BNC2: variants seen among roughly 807,000 people sequenced by gnomAD.
The protein encoded by BNC2 is basonuclin zinc finger protein 2, also known as zinc finger protein basonuclin-2.
Under a neutral mutation model 76.3 loss-of-function variants are expected in BNC2, and 20 were observed. The ratio of observed to expected loss-of-function variants is 0.26; its 90% CI spans 0.18 to 0.38. The LOEUF (loss-of-function observed/expected upper bound fraction) is 0.38, where lower values mean the gene tolerates loss of function less well. Among genes scored for constraint, BNC2 ranks in the 10% least tolerant of loss-of-function variants. BNC2 has a pLI of 1.00. For synonymous variants in BNC2, 582 were observed against 514.8 expected (o/e 1.13, Z -1.77); for missense variants, 1,382 against 1,399.8 (o/e 0.99, Z 0.20).
intron 5 of BNC2, among the ~76,000 whole-genome samples, chr9:16,538,136 G>A (rs1243885656): frequency 6.6e-6 from 1 of 152,194 alleles, no homozygotes; most frequent in Non-Finnish European, 1.5e-5. Context: ...AGGTAGAACA[G>A]AGGAAAGAGA....
At chr9:16,525,136 TAACATTGATAAC>T in intron 5 of BNC2, among the ~76,000 whole-genome samples, 1 of 116,424 alleles carries the variant, frequency 8.6e-6, no homozygotes, top group African/African-American at 4.3e-5. Flanking sequence ...TACTAGTAGA[TAACATTGATAAC>T]TAGATAACAT....
At chr9:16,506,513 C>CTTTTGTTTT (rs1822630083) in intron 5 of BNC2, among the ~76,000 whole-genome samples, 1 of 43,314 alleles carries the variant, frequency 2.3e-5, no homozygotes, top group Non-Finnish European at 4.4e-5. Flanking sequence ...TCTCTCTCCT[C>CTTTTGTTTT]TTTTTTTTTT....
At chr9:16,557,276 A>T (rs1188549835) in intron 4 of BNC2, among the ~76,000 whole-genome samples, 1 of 152,180 alleles carries the variant, frequency 6.6e-6, no homozygotes, top group African/African-American at 2.4e-5. Context: ...CAGTGGGCGA[A>T]TAACCCGAGG....
intron 3 of BNC2, among the ~76,000 whole-genome samples, chr9:16,689,932 C>G (rs144052151): frequency 2.4e-4 from 36 of 152,302 alleles, no homozygotes; most frequent in Non-Finnish European, 4.4e-4. Context: ...TTATCCAACA[C>G]TGTAAAGATG....
At chr9:16,589,220 C>T (rs1377036522) in intron 3 of BNC2, among the ~76,000 whole-genome samples, 1 of 152,132 alleles carries the variant, frequency 6.6e-6, no homozygotes, top group Non-Finnish European at 1.5e-5. Context: ...AGATCTCGCT[C>T]TGTTACCGAG....
At chr9:16,737,650 T>C (rs1824716294) in intron 2 of BNC2, among the ~76,000 whole-genome samples, 1 of 151,810 alleles carries the variant, frequency 6.6e-6, no homozygotes, top group Non-Finnish European at 1.5e-5. Context: ...ACTATTTATA[T>C]ACATACATAT....
At chr9:16,609,265 T>C (rs998868708) in intron 3 of BNC2, among the ~76,000 whole-genome samples, 2 of 152,076 alleles carry the variant, frequency 1.3e-5, no homozygotes, top group African/African-American at 2.4e-5. Flanking sequence ...ATTGTATACA[T>C]AGTATAAAAC....
chr9:16,725,225 AC>A (rs1824276910), intron 3 of BNC2, among the ~76,000 whole-genome samples: 2 of 150,640 alleles, frequency 1.3e-5, no homozygotes, highest in African/African-American at 4.9e-5. Context: ...TCTCACACAC[AC>A]ACACACACAC....
chr9:16,642,926 G>C (rs1344644827), intron 3 of BNC2, among the ~76,000 whole-genome samples: 1 of 152,134 alleles, frequency 6.6e-6, no homozygotes. Flanking sequence ...ATGTAGACAA[G>C]TTACTTTCTC....
chr9:16,487,126 G>C (rs1323482937), intron 5 of BNC2, among the ~76,000 whole-genome samples: 1 of 152,204 alleles, frequency 6.6e-6, no homozygotes, highest in Non-Finnish European at 1.5e-5. Context: ...TTACCTGTTT[G>C]CCTAAAGGCA....
intron 6 of BNC2, chr9:16,435,217 G>C: frequency 2.6e-6 from 1 of 391,886 alleles, no homozygotes; most frequent in Non-Finnish European, 4.8e-6. Context: ...TGGCTTCTAA[G>C]TGAAGGTTCA....
chr9:16,418,873 G>GCGCACACACACACACACA lies in BNC2; in HGVS notation c.*115_*116insTGTGTGTGTGTGTGTGCG, dbSNP rs139614646. On this transcript the variant is annotated 3_prime_UTR_variant, in exon 7 of 7. Transcript: ENST00000380672. ...ATGTAGCCACAGAGCATACATAAAT[G>GCGCACACACACACACACA]CACACACACACACACACACACACAC... is the stretch of plus-strand genomic sequence containing the variant. 1.1e-5 allele frequency: 10 copies of GCGCACACACACACACACA among 880,998 alleles called. No homozygotes were observed. The East Asian group carries it at 1.5e-4, about 14-fold the overall frequency. 54.6% of individuals were successfully genotyped at this position (880,998 alleles called of 1,614,324 possible).
At chr9:16,447,986 G>T (rs1821262545) in intron 5 of BNC2, among the ~76,000 whole-genome samples, 2 of 151,994 alleles carry the variant, frequency 1.3e-5, no homozygotes, top group East Asian at 3.9e-4. Context: ...GAACAGCAAA[G>T]GAACCGTTTA....
At chr9:16,420,429 C>A (rs1587007272) in intron 6 of BNC2, among the ~76,000 whole-genome samples, 2 of 151,722 alleles carry the variant, frequency 1.3e-5, no homozygotes, top group Admixed American at 1.3e-4. Context: ...AAATTTAATT[C>A]TTTAAGACAA....
At chr9:16,714,199 G>C (rs1823932808) in intron 3 of BNC2, among the ~76,000 whole-genome samples, 1 of 152,228 alleles carries the variant, frequency 6.6e-6, no homozygotes, top group South Asian at 2.1e-4. Context: ...AAACACGGCA[G>C]AGGAGAGAAA....
At chr9:16,700,623 G>A (rs1188727261) in intron 3 of BNC2, among the ~76,000 whole-genome samples, 1 of 151,924 alleles carries the variant, frequency 6.6e-6, no homozygotes, top group Non-Finnish European at 1.5e-5. Flanking sequence ...AATTTTTTTT[G>A]CGGTGGTATT....
intron 3 of BNC2, among the ~76,000 whole-genome samples, chr9:16,659,850 T>TA (rs1231175584): frequency 6.6e-6 from 1 of 152,150 alleles, no homozygotes; most frequent in East Asian, 1.9e-4. Context: ...TCATAGCCCT[T>TA]ATTATACTCC....
chr9:16,726,563 A>T lies in BNC2; in HGVS notation c.330+1234T>A, dbSNP rs1239607560. Among the ~76,000 whole-genome samples, 306 of 95,614 alleles carry T rather than the reference A, an allele frequency of 3.2e-3. 2 individuals are homozygous for T. Among genetic ancestry groups the T allele is most frequent in the East Asian group, 0.018 (27 of 1,536 alleles). 62.7% of individuals were successfully genotyped at this position (95,614 alleles called of 152,430 possible). ...CTCTTACAAACAAAAGCTTTTTAAA[A>T]AAAAAAAAAAAAAAAGCAGTTGCAG... On this transcript the variant is annotated intron_variant, in intron 3 of 6. Coordinates refer to ENST00000380672, the MANE Select transcript of BNC2 (RefSeq NM_017637.6).
chr9:16,635,558 A>G (rs1821298709), intron 3 of BNC2, among the ~76,000 whole-genome samples: 1 of 152,242 alleles, frequency 6.6e-6, no homozygotes, highest in Non-Finnish European at 1.5e-5. Flanking sequence ...ACTGGAAAGT[A>G]ACAAAAAATA....
Sources: gnomAD v4.1 joint callset for allele counts (sites outside exome capture counted in the v4.1 genomes callset) on GRCh38, gnomAD v4.1.1 for gene constraint, MANE v1.5 for transcripts, NCBI Gene and HGNC (gene_info 2026-07-23, HGNC 2026-07-21) for gene names.